CWC22: variants seen among roughly 807,000 people sequenced by gnomAD.
CWC22 encodes the protein pre-mRNA-splicing factor CWC22 homolog.
Under a neutral mutation model 117.2 loss-of-function variants are expected in CWC22, and 53 were observed. The ratio of observed to expected loss-of-function variants is 0.45; its 90% CI spans 0.36 to 0.57. The LOEUF (loss-of-function observed/expected upper bound fraction) is 0.57. CWC22 is among the 20% of genes least tolerant of loss of function. CWC22 has a pLI of 0.00. For synonymous variants in CWC22, 360 were observed against 355.6 expected (o/e 1.01, Z -0.14); for missense variants, 980 against 1,068.8 (o/e 0.92, Z 1.16).
intron 8 of CWC22, among the ~76,000 whole-genome samples, 167 bp downstream of exon 8, chr2:179,973,026 A>G (rs1687071345): frequency 6.6e-6 from 1 of 152,064 alleles, no homozygotes; most frequent in African/African-American, 2.4e-5. Flanking sequence ...GAAAAAAAAA[A>G]AGAACATTAA....
intron 1 of CWC22, among the ~76,000 whole-genome samples, chr2:180,002,830 G>A (rs1043045945): frequency 1.2e-4 from 19 of 152,286 alleles, no homozygotes; most frequent in African/African-American, 4.6e-4. Flanking sequence ...AGAGAATTTG[G>A]GGATTCCAAG....
chr2:179,986,418 A>G (rs1289378244), intron 4 of CWC22, among the ~76,000 whole-genome samples: 1 of 152,124 alleles, frequency 6.6e-6, no homozygotes, highest in Admixed American at 6.5e-5. Flanking sequence ...AGTCAGACAG[A>G]CTTAGGCTTG....
chr2:179,955,449 T>C (rs1008331653), intron 14 of CWC22, among the ~76,000 whole-genome samples: 1 of 151,972 alleles, frequency 6.6e-6, no homozygotes, highest in Non-Finnish European at 1.5e-5. Flanking sequence ...TGAATTCAAT[T>C]GCTAAGGAAT....
chr2:179,994,441 C>T (rs1687648410), intron 1 of CWC22, among the ~76,000 whole-genome samples: 1 of 152,082 alleles, frequency 6.6e-6, no homozygotes, highest in Non-Finnish European at 1.5e-5. Context: ...ATTATAATGC[C>T]AGCTAGACTT....
chr2:179,952,525 T>C lies in CWC22; in HGVS notation c.1763A>G (p.Gln588Arg). The C allele has an allele frequency of 6.4e-7, 1 of 1,561,754 alleles. No homozygotes were observed. Residue 588 changes from glutamine (Q) to arginine (R), a missense_variant, in exon 17 of 20, where the codon CAG becomes CGG. Gln to Arg is a conservative substitution (Grantham distance 43). This residue lies in a region of CWC22 where 115 missense variants were observed against 169.8 expected (regional missense o/e 0.68). Transcript: ENST00000410053. ...SSRIFVKIFF[Q>R]ELCEYMGLPK... ...AAGACCCATGTATTCACACAGTTCC[T>C]GGAAAAATATTTTGACAAAAATTCT...
At position 179,945,648 on chromosome 2, in the gene CWC22, G is replaced by T. The variant is rs1162636158; in HGVS notation, c.2208C>A (p.Asn736Lys). The change falls in exon 20 of 20, where the codon AAC (asparagine) becomes AAA (lysine). Residue 736 changes from asparagine to lysine, a missense_variant. Asn to Lys is a moderately conservative substitution (Grantham distance 94). This residue lies in a region of CWC22 where 306 missense variants were observed against 296.8 expected (regional missense o/e 1.03). Transcript: ENST00000410053. ...TTTGTTTCCTATCATTTGTTTGCTG[G>T]TTTCTGATCAATTTATCTACCTCTT... ...RSKEVDKLIR[N>K]QQTNDRKQKE... 20 of 1,611,462 alleles carry T rather than the reference G, an allele frequency of 1.2e-5. No homozygotes were observed. The highest frequency in any genetic ancestry group is 1.7e-5 in the Admixed American group (1 of 59,916).
chr2:179,982,657 C>T lies in CWC22; in HGVS notation c.207-660G>A, dbSNP rs1479399963. Among the ~76,000 whole-genome samples, 3 of 152,134 alleles carry T rather than the reference C, an allele frequency of 2.0e-5. No individual in the cohort carries two copies. The East Asian group carries it at 5.8e-4, about 29-fold the overall frequency. Reference sequence around the variant, plus strand: ...ATTGGAAGCTTCTGCTTATTTGAGACAATGTGGGGGGAAAAACTTTTCTAG... The same window carrying T: ...ATTGGAAGCTTCTGCTTATTTGAGATAATGTGGGGGGAAAAACTTTTCTAG... On this transcript the variant is annotated intron_variant, in intron 4 of 19. Coordinates refer to ENST00000410053, the MANE Select transcript of CWC22 (RefSeq NM_020943.3).
intron 19 of CWC22, among the ~76,000 whole-genome samples, chr2:179,947,753 G>A (rs187004093): frequency 3.6e-4 from 55 of 152,254 alleles, no homozygotes; most frequent in Middle Eastern, 3.4e-3. Flanking sequence ...CACAATTCTG[G>A]ATGTCACACA....
At chr2:179,965,429 G>A (rs1686864547) in intron 12 of CWC22, among the ~76,000 whole-genome samples, 1 of 152,178 alleles carries the variant, frequency 6.6e-6, no homozygotes, top group Non-Finnish European at 1.5e-5. Flanking sequence ...TACTACTTCT[G>A]TGTAAATATA....
At chr2:179,992,692 T>C (rs1487404068) in intron 2 of CWC22, among the ~76,000 whole-genome samples, 1 of 152,260 alleles carries the variant, frequency 6.6e-6, no homozygotes, top group East Asian at 1.9e-4. Flanking sequence ...TTATTCACTA[T>C]TTTGTTCAAA....
rs1379374023 is a variant in CWC22, at chr2:179,950,863, G to A, written c.1881C>T (p.Ala627=). 2 of 1,597,134 alleles carry A rather than the reference G, an allele frequency of 1.3e-6. No homozygotes were observed. The highest frequency in any genetic ancestry group is 1.7e-6 in the Non-Finnish European group (2 of 1,170,634). The change falls in exon 18 of 20, where the codon GCC becomes GCT. Residue 627 remains alanine, a synonymous_variant. Coordinates refer to ENST00000410053, the MANE Select transcript of CWC22 (RefSeq NM_020943.3). ...PRDNPRNTRF[A]INFFTSIGLG... ...GACCTATAGAAGTAAAGAAGTTGAT[G>A]GCAAACCGAGTGTTTCTTGGATTAT...
At chr2:179,964,771 T>C in intron 12 of CWC22, 143 bp from the exon 13 acceptor site, 3 of 548,858 alleles carry the variant, frequency 5.5e-6, no homozygotes, top group South Asian at 5.3e-5. Flanking sequence ...TGTAAATTAG[T>C]ATTTATAGAA....
At chr2:179,959,173 C>A (rs1686681797) in intron 13 of CWC22, 91 bp from the exon 14 acceptor site, 6 of 793,606 alleles carry the variant, frequency 7.6e-6, no homozygotes, top group South Asian at 7.2e-5. Flanking sequence ...GGTTTTAAAT[C>A]ATCTTTTTTA....
chr2:179,978,123 C>A, intron 6 of CWC22, 67 bp downstream of exon 6: 1 of 1,352,154 alleles, frequency 7.4e-7, no homozygotes, highest in South Asian at 2.2e-5. Flanking sequence ...GATTATTGTT[C>A]ATGTAGATAT....
At chr2:179,957,843 A>G (rs1292311036) in intron 14 of CWC22, among the ~76,000 whole-genome samples, 1 of 4,836 alleles carries the variant, frequency 2.1e-4, no homozygotes, top group Non-Finnish European at 4.5e-4. Flanking sequence ...TATACATTAG[A>G]AAAAAAAAAA....
At chr2:179,974,013 T>C (rs1276658081) in intron 6 of CWC22, among the ~76,000 whole-genome samples, 1 of 152,178 alleles carries the variant, frequency 6.6e-6, no homozygotes, top group African/African-American at 2.4e-5. Context: ...AGAATGAAGA[T>C]TTTACTGCAA....
Position 179,950,559 on chromosome 2 carries a change from C to T in CWC22, c.2093G>A (p.Ser698Asn), listed in dbSNP as rs372973882. ...DSSDSSSESSSEESDSSSISS... is the reference protein window; with the variant it reads ...DSSDSSSESSNEESDSSSISS... ...GATGGATGAAGAGTCGCTCTCTTCA[C>T]TGGAAGACTCTGAACTGCTATCACT... The change falls in exon 19 of 20, where the codon AGT becomes AAT. Residue 698 changes from serine (S) to asparagine (N), a missense_variant. Transcript: ENST00000410053. 3 of 1,613,218 alleles carry T rather than the reference C, an allele frequency of 1.9e-6. No homozygotes were observed. Among genetic ancestry groups the T allele is most frequent in the African/African-American group, 1.3e-5 (1 of 74,992 alleles).
intron 19 of CWC22, among the ~76,000 whole-genome samples, chr2:179,949,351 T>C (rs1559283466): frequency 1.3e-5 from 2 of 151,856 alleles, no homozygotes; most frequent in African/African-American, 4.8e-5. Flanking sequence ...ACAACTTAAC[T>C]AAAAAAAATT....
chr2:179,982,147 GAAAATTCAACA>G, intron 4 of CWC22, 150 bp from the exon 5 acceptor site: 1 of 609,954 alleles, frequency 1.6e-6, no homozygotes, highest in Non-Finnish European at 2.9e-6. Flanking sequence ...GTTTCACAGA[GAAAATTCAACA>G]AATTAGGTCC....
Sources: allele counts gnomAD v4.1 joint callset (sites outside exome capture counted in the v4.1 genomes callset), GRCh38; gene constraint gnomAD v4.1.1; regional missense constraint gnomAD v4.1.1; transcripts MANE v1.5; gene names NCBI Gene and HGNC (gene_info 2026-07-23, HGNC 2026-07-21).